GALNTL6: variants seen among roughly 807,000 people sequenced by gnomAD.
GALNTL6 encodes the protein polypeptide N-acetylgalactosaminyltransferase-like 6.
In GALNTL6, 46 loss-of-function variants were observed where a neutral mutation model predicts 73.7. The observed-to-expected ratio is 0.62, with a 90% CI of 0.49 to 0.80. GALNTL6 has a LOEUF of 0.80. Ranked by LOEUF, GALNTL6 falls within the 30% of genes least tolerant of loss-of-function variation. The probability of loss-of-function intolerance (pLI) is 0.00; values close to 1 mark genes in which losing one functional copy is unlikely to be tolerated. For missense variants in GALNTL6, 604 were observed against 755.0 expected (o/e 0.80, Z 2.34); for synonymous variants, 259 against 263.7 (o/e 0.98, Z 0.17).
intron 2 of GALNTL6, among the ~76,000 whole-genome samples, chr4:172,181,953 A>T (rs2110855728): frequency 6.6e-6 from 1 of 151,940 alleles, no homozygotes; most frequent in South Asian, 2.1e-4. Context: ...TCCTGACCTC[A>T]TGATCCGCCT....
chr4:172,659,051 G>T (rs1027787220), intron 5 of GALNTL6, among the ~76,000 whole-genome samples: 2 of 152,076 alleles, frequency 1.3e-5, no homozygotes, highest in Non-Finnish European at 2.9e-5. Context: ...ACATGTATTC[G>T]ATCATTTAAT....
At chr4:172,431,492 A>C (rs772943106) in intron 5 of GALNTL6, among the ~76,000 whole-genome samples, 9 of 152,172 alleles carry the variant, frequency 5.9e-5, no homozygotes, top group Non-Finnish European at 1.0e-4. Flanking sequence ...ATACATATGC[A>C]TATATGTATG....
chr4:172,094,012 T>C (rs376765828), intron 2 of GALNTL6, among the ~76,000 whole-genome samples: 1 of 152,098 alleles, frequency 6.6e-6, no homozygotes, highest in Admixed American at 6.5e-5. Flanking sequence ...TGTGGAAAAA[T>C]TGTCTTCCAC....
intron 10 of GALNTL6, among the ~76,000 whole-genome samples, chr4:172,976,492 G>C (rs1355547534): frequency 6.6e-6 from 1 of 152,138 alleles, no homozygotes; most frequent in Admixed American, 6.5e-5. Context: ...CAGTACGTGG[G>C]CCACAGGAAA....
At chr4:172,963,596 C>A (rs1230607032) in intron 10 of GALNTL6, among the ~76,000 whole-genome samples, 1 of 152,122 alleles carries the variant, frequency 6.6e-6, no homozygotes, top group African/African-American at 2.4e-5. Flanking sequence ...AATGGGGGAT[C>A]CTGGCTCCCT....
intron 5 of GALNTL6, among the ~76,000 whole-genome samples, chr4:172,568,935 C>T (rs983509268): frequency 4.6e-5 from 7 of 151,660 alleles, no homozygotes; most frequent in Non-Finnish European, 1.0e-4. Flanking sequence ...AGCTCATTAT[C>T]TACTGTTAGT....
At position 171,860,258 on chromosome 4, in the gene GALNTL6, C is replaced by T. The variant is rs1253056333; in HGVS notation, c.138+45540C>T. On this transcript the variant is annotated intron_variant, in intron 2 of 12. Transcript: ENST00000506823. ...AACATAAAATCAGAAAACTAAATTT[C>T]CCACACCACATGGCTAGTAAATATT... 6.6e-5 allele frequency among the ~76,000 whole-genome samples: 10 copies of T among 152,102 alleles called. No individual in the cohort carries two copies. In the South Asian group the frequency reaches 1.0e-3, roughly 16 times the overall value.
chr4:171,954,171 G>A (rs1303021968), intron 2 of GALNTL6, among the ~76,000 whole-genome samples: 53 of 152,062 alleles, frequency 3.5e-4, no homozygotes, highest in Non-Finnish European at 5.9e-5. Flanking sequence ...CTGTCATTTT[G>A]TATTCTATCA....
rs1747037292 is a variant in GALNTL6, at chr4:172,908,748, A to C, written c.1042-22413A>C. Among the ~76,000 whole-genome samples, 3 of 151,778 alleles carry C rather than the reference A, an allele frequency of 2.0e-5. No homozygotes were observed. In the South Asian group the frequency reaches 6.2e-4, roughly 31 times the overall value. On this transcript the variant is annotated intron_variant, in intron 8 of 12. Transcript: ENST00000506823. ...ACAGTGAAACAAAAACTAGGAATAA[A>C]TTTAAGAAATGTGCAAAACTCTGTC...
At chr4:172,229,516 A>G in intron 2 of GALNTL6, 140 bp from the exon 3 acceptor site, 1 of 600,936 alleles carries the variant, frequency 1.7e-6, no homozygotes, top group Non-Finnish European at 3.0e-6. Flanking sequence ...CACCAGCGAT[A>G]GCTTTCTTTT....
chr4:172,952,301 G>C (rs756586757), intron 10 of GALNTL6, 43 bp downstream of exon 10: 4 of 1,425,962 alleles, frequency 2.8e-6, no homozygotes, highest in East Asian at 2.3e-5. Flanking sequence ...CTATGAGACT[G>C]TGTGCCTCCC....
At chr4:173,030,321 G>T (rs991552442) in intron 12 of GALNTL6, among the ~76,000 whole-genome samples, 1 of 152,140 alleles carries the variant, frequency 6.6e-6, no homozygotes, top group Non-Finnish European at 1.5e-5. Flanking sequence ...GTTTTTAGCT[G>T]TATGTCTAAC....
At chr4:172,582,937 C>A (rs1737250928) in intron 5 of GALNTL6, among the ~76,000 whole-genome samples, 1 of 152,204 alleles carries the variant, frequency 6.6e-6, no homozygotes, top group African/African-American at 2.4e-5. Flanking sequence ...CTATCCCTTT[C>A]TCTAAGAAAT....
intron 9 of GALNTL6, among the ~76,000 whole-genome samples, chr4:172,938,198 G>A (rs1748724130): frequency 6.6e-6 from 1 of 152,058 alleles, no homozygotes; most frequent in Non-Finnish European, 1.5e-5. Context: ...CTTCCTTCCT[G>A]TGCCATCTCC....
chr4:172,444,062 A>T (rs1731933638), intron 5 of GALNTL6, among the ~76,000 whole-genome samples: 1 of 152,204 alleles, frequency 6.6e-6, no homozygotes, highest in Admixed American at 6.5e-5. Context: ...AGAGACAATC[A>T]GTGAGTTCAG....
intron 5 of GALNTL6, among the ~76,000 whole-genome samples, chr4:172,618,253 G>A (rs1195769729): frequency 2.6e-5 from 4 of 152,082 alleles, no homozygotes; most frequent in Admixed American, 2.6e-4. Flanking sequence ...GGAGCTGAAA[G>A]CAATCTCCTT....
At chr4:172,259,081 T>C (rs1345566697) in intron 3 of GALNTL6, among the ~76,000 whole-genome samples, 1 of 151,266 alleles carries the variant, frequency 6.6e-6, no homozygotes, top group Admixed American at 6.6e-5. Flanking sequence ...CATATGTAAG[T>C]CTTTTACATA....
chr4:171,838,474 A>G (rs910380357), intron 2 of GALNTL6, among the ~76,000 whole-genome samples: 1 of 151,874 alleles, frequency 6.6e-6, no homozygotes, highest in African/African-American at 2.4e-5. Context: ...TAAATATTTT[A>G]TTGTTCTCCC....
At chr4:171,830,743 G>A (rs1734947190) in intron 2 of GALNTL6, among the ~76,000 whole-genome samples, 1 of 152,070 alleles carries the variant, frequency 6.6e-6, no homozygotes, top group South Asian at 2.1e-4. Flanking sequence ...TGCTATAGAA[G>A]ATATGGATTA....
Sources: gnomAD v4.1 joint callset for allele counts (sites outside exome capture counted in the v4.1 genomes callset) on GRCh38, gnomAD v4.1.1 for gene constraint, MANE v1.5 for transcripts, NCBI Gene and HGNC (gene_info 2026-07-23, HGNC 2026-07-21) for gene names.